The following PAPPA variants were observed in gnomAD, a reference collection of about 807,000 sequenced individuals.
PAPPA encodes pappalysin-1.
Under a neutral mutation model 164.0 loss-of-function variants are expected in PAPPA, and 60 were observed. The observed-to-expected ratio is 0.37, with a 90% CI of 0.30 to 0.45. The LOEUF (loss-of-function observed/expected upper bound fraction) is 0.45. Among genes scored for constraint, PAPPA ranks in the 20% least tolerant of loss-of-function variants. The probability of loss-of-function intolerance (pLI) is 1.00; values close to 1 mark genes in which losing one functional copy is unlikely to be tolerated. For synonymous variants in PAPPA, 875 were observed against 814.1 expected (o/e 1.07, Z -1.27); for missense variants, 1,782 against 2,087.3 (o/e 0.85, Z 2.85).
chr9:116,313,253 T>C (rs891077193), intron 10 of PAPPA, among the ~76,000 whole-genome samples: 1 of 152,074 alleles, frequency 6.6e-6, no homozygotes, highest in Non-Finnish European at 1.5e-5. Flanking sequence ...AGAGGTTCCC[T>C]GTGCCAGGGC....
intron 1 of PAPPA, among the ~76,000 whole-genome samples, chr9:116,179,987 C>T (rs542339081): frequency 6.6e-6 from 1 of 152,220 alleles, no homozygotes; most frequent in Non-Finnish European, 1.5e-5. Flanking sequence ...CTCACCTCTG[C>T]TTGTATTCTC....
chr9:116,179,755 CTG>C (rs1843881874), intron 1 of PAPPA, among the ~76,000 whole-genome samples: 1 of 152,160 alleles, frequency 6.6e-6, no homozygotes, highest in African/African-American at 2.4e-5. Flanking sequence ...CCAAATCTGT[CTG>C]TTTTAATCAC....
At chr9:116,186,279 T>G (rs1486840512) in intron 1 of PAPPA, among the ~76,000 whole-genome samples, 1 of 150,984 alleles carries the variant, frequency 6.6e-6, no homozygotes, top group East Asian at 1.9e-4. Flanking sequence ...GATATAGATA[T>G]AGATATAGAT....
At chr9:116,386,955 G>A (rs995682060) in intron 21 of PAPPA, among the ~76,000 whole-genome samples, 31 of 152,260 alleles carry the variant, frequency 2.0e-4, no homozygotes, top group African/African-American at 7.5e-4. Flanking sequence ...GAGAAGGAGA[G>A]AGGTTACTTT....
rs1312514854 is a variant in PAPPA, at chr9:116,401,531, T to A, written c.*4915T>A. On this transcript the variant is annotated 3_prime_UTR_variant, in exon 22 of 22. Transcript: ENST00000328252. Reference sequence around the variant, plus strand: ...CAGATATCTATCTATATAAAGATATTATATATAAATATAAATTTACATATA... The same window carrying A: ...CAGATATCTATCTATATAAAGATATAATATATAAATATAAATTTACATATA... 2 of 150,804 alleles carry A rather than the reference T, an allele frequency of 1.3e-5. No individual in the cohort carries two copies. The highest frequency in any genetic ancestry group is 3.0e-5 in the Non-Finnish European group (2 of 67,686). 9.3% of individuals were successfully genotyped at this position (150,804 alleles called of 1,614,324 possible).
At chr9:116,219,916 T>C (rs748023232) in intron 4 of PAPPA, 21 bp from the exon 5 acceptor site, 9 of 1,590,158 alleles carry the variant, frequency 5.7e-6, no homozygotes, top group Non-Finnish European at 7.7e-6. Context: ...GGTGCTTATC[T>C]CTCCCTCTGC....
At chr9:116,330,067 T>C (rs1845969630) in intron 10 of PAPPA, among the ~76,000 whole-genome samples, 1 of 152,226 alleles carries the variant, frequency 6.6e-6, no homozygotes, top group African/African-American at 2.4e-5. Context: ...GTTGAGGATA[T>C]ATCACTTTTT....
chr9:116,164,956 T>C (rs1843704747), intron 1 of PAPPA, among the ~76,000 whole-genome samples: 1 of 152,220 alleles, frequency 6.6e-6, no homozygotes, highest in South Asian at 2.1e-4. Context: ...GCCATTTATT[T>C]CATAGATGAG....
chr9:116,220,179 A>G (rs770985586), intron 5 of PAPPA, 50 bp downstream of exon 5: 1 of 1,422,108 alleles, frequency 7.0e-7, no homozygotes, highest in Non-Finnish European at 9.6e-7. Flanking sequence ...TCCTGCCAAG[A>G]AGAAGGAAAC....
At chr9:116,276,889 C>T (rs1460990798) in intron 9 of PAPPA, among the ~76,000 whole-genome samples, 2 of 152,178 alleles carry the variant, frequency 1.3e-5, no homozygotes, top group African/African-American at 2.4e-5. Context: ...ATCGGTCTGC[C>T]TCCCCACCAG....
chr9:116,226,113 G>A (rs1267596700), intron 5 of PAPPA, among the ~76,000 whole-genome samples: 1 of 152,134 alleles, frequency 6.6e-6, no homozygotes, highest in Non-Finnish European at 1.5e-5. Flanking sequence ...GTAACATGAC[G>A]CAACATGATA....
intron 10 of PAPPA, among the ~76,000 whole-genome samples, chr9:116,325,625 G>A (rs1197821597): frequency 1.3e-5 from 2 of 152,192 alleles, no homozygotes; most frequent in Admixed American, 1.3e-4. Context: ...TCCTCCAGGT[G>A]CTAGGATGAG....
Position 116,186,136 on chromosome 9 carries a change from G to A in PAPPA, c.416-1018G>A, listed in dbSNP as rs538179501. 9.6e-4 allele frequency among the ~76,000 whole-genome samples: 146 copies of A among 151,740 alleles called. 1 individual carries two copies. Among genetic ancestry groups the A allele is most frequent in the African/African-American group, 3.4e-3 (141 of 41,320 alleles). Reference sequence around the variant, plus strand: ...ATGCCTGGCCTGCCATAGAGGCTTGGGAGATTTTGCTCATTATTATTAACT... The same window carrying A: ...ATGCCTGGCCTGCCATAGAGGCTTGAGAGATTTTGCTCATTATTATTAACT... On this transcript the variant is annotated intron_variant, in intron 1 of 21. Transcript: ENST00000328252.
At chr9:116,206,197 G>C (rs752697087) in intron 2 of PAPPA, among the ~76,000 whole-genome samples, 2 of 152,146 alleles carry the variant, frequency 1.3e-5, no homozygotes, top group Non-Finnish European at 2.9e-5. Flanking sequence ...GAATTAGTCA[G>C]CTACACCTAG....
At chr9:116,298,415 A>G (rs16933399) in intron 9 of PAPPA, among the ~76,000 whole-genome samples, 4,227 of 152,360 alleles carry the variant, frequency 0.028, 203 homozygotes, top group East Asian at 0.24. Flanking sequence ...TCCTAGCTGG[A>G]TAGAACAGAT....
intron 6 of PAPPA, 41 bp downstream of exon 6, chr9:116,227,593 G>A: frequency 1.2e-6 from 2 of 1,607,466 alleles, no homozygotes; most frequent in South Asian, 2.2e-5. Flanking sequence ...GGAGGAGTGT[G>A]CAAAGAACAG....
At chr9:116,333,616 T>G (rs1015066183) in intron 12 of PAPPA, among the ~76,000 whole-genome samples, 14 of 152,230 alleles carry the variant, frequency 9.2e-5, no homozygotes, top group African/African-American at 3.4e-4. Flanking sequence ...TTTTTATGCT[T>G]GTTTATTTAG....
chr9:116,265,721 T>C, intron 7 of PAPPA, 136 bp from the exon 8 acceptor site: 3 of 642,066 alleles, frequency 4.7e-6, no homozygotes, highest in Non-Finnish European at 8.2e-6. Flanking sequence ...ATAGAAAGTA[T>C]TGGATAGCTA....
chr9:116,299,093 G>A (rs1788852564), intron 9 of PAPPA, among the ~76,000 whole-genome samples: 2 of 152,132 alleles, frequency 1.3e-5, no homozygotes, highest in Admixed American at 6.5e-5. Flanking sequence ...GACACGGGCT[G>A]GCAGATGTAG....
Sources: gnomAD v4.1 joint callset for allele counts (sites outside exome capture counted in the v4.1 genomes callset) on GRCh38, gnomAD v4.1.1 for gene constraint, MANE v1.5 for transcripts, NCBI Gene and HGNC (gene_info 2026-07-23, HGNC 2026-07-21) for gene names.